Variants in TRPM7 observed in about 807,000 individuals in gnomAD.
TRPM7 encodes transient receptor potential cation channel subfamily M member 7.
In TRPM7, 134 loss-of-function variants were observed where a neutral mutation model predicts 229.7. The observed-to-expected ratio is 0.58, with a 90% CI of 0.51 to 0.67. TRPM7 has a LOEUF of 0.67. TRPM7 is among the 30% of genes least tolerant of loss of function. The pLI, the probability that TRPM7 is intolerant of heterozygous loss-of-function variation, is 0.00. For missense variants in TRPM7, 1,901 were observed against 2,210.0 expected (o/e 0.86, Z 2.80); for synonymous variants, 699 against 715.2 (o/e 0.98, Z 0.36).
chr15:50,686,022 G>A (rs965944715), intron 1 of TRPM7, among the ~76,000 whole-genome samples: 2 of 152,212 alleles, frequency 1.3e-5, no homozygotes, highest in East Asian at 3.8e-4. Flanking sequence ...CCGCTGCACA[G>A]CAAACAAGGC....
intron 1 of TRPM7, among the ~76,000 whole-genome samples, chr15:50,663,416 G>A (rs113621374): frequency 0.035 from 5,380 of 152,174 alleles, 314 homozygotes; most frequent in African/African-American, 0.12. Flanking sequence ...GTGAGCCACC[G>A]TGCCCGGCCC....
chr15:50,636,166 T>C (rs1289189314), intron 7 of TRPM7, among the ~76,000 whole-genome samples: 3 of 150,748 alleles, frequency 2.0e-5, no homozygotes, highest in Admixed American at 6.6e-5. Flanking sequence ...AAGGTATCTG[T>C]AGGACTATAA....
At chr15:50,613,906 A>T (rs1480154236) in intron 14 of TRPM7, 65 bp from the exon 15 acceptor site, 1 of 1,558,512 alleles carries the variant, frequency 6.4e-7, no homozygotes, top group Admixed American at 2.0e-5. Flanking sequence ...AAAATTCAAG[A>T]ATCAATTTAT....
intron 4 of TRPM7, among the ~76,000 whole-genome samples, chr15:50,644,831 G>A (rs182548578): frequency 4.9e-5 from 7 of 143,858 alleles, no homozygotes; most frequent in Admixed American, 3.5e-4. Context: ...AAGAAATGAA[G>A]CCCAAAAAAC....
chr15:50,636,165 G>T (rs1328298672), intron 7 of TRPM7, among the ~76,000 whole-genome samples: 3 of 150,494 alleles, frequency 2.0e-5, no homozygotes, highest in African/African-American at 7.3e-5. Context: ...AAAGGTATCT[G>T]TAGGACTATA....
intron 21 of TRPM7, among the ~76,000 whole-genome samples, chr15:50,603,088 G>A (rs1239480897): frequency 1.3e-5 from 2 of 152,072 alleles, no homozygotes; most frequent in East Asian, 3.8e-4. Context: ...CCATAAGAAT[G>A]CCAAAATGTG....
chr15:50,685,556 T>C (rs2140996129), intron 1 of TRPM7, among the ~76,000 whole-genome samples: 1 of 152,358 alleles, frequency 6.6e-6, no homozygotes, highest in South Asian at 2.1e-4. Context: ...ACTCTTATTT[T>C]AGTTTTGTAT....
chr15:50,642,659 G>A (rs2061138244), intron 5 of TRPM7, among the ~76,000 whole-genome samples: 1 of 152,098 alleles, frequency 6.6e-6, no homozygotes, highest in Admixed American at 6.5e-5. Context: ...AATTTCCTGA[G>A]GCTCCCTAGT....
In TRPM7 at chr15:50,686,762, C is replaced by A; in HGVS notation, c.-229G>T. 1 of 491,698 alleles carries A rather than the reference C, an allele frequency of 2.0e-6. No homozygotes were observed. Among genetic ancestry groups the A allele is most frequent in the Admixed American group, 4.2e-5 (1 of 23,596 alleles). 30.5% of individuals were successfully genotyped at this position (491,698 alleles called of 1,614,324 possible). On this transcript the variant is annotated 5_prime_UTR_variant, in exon 1 of 39. Coordinates refer to ENST00000646667, the MANE Select transcript of TRPM7 (RefSeq NM_017672.6). ...CCGGGTGACTGGCCACAGGGACGCG[C>A]CCGCGCCCGCCTCCGCCGGCGACGG...
At chr15:50,625,246 C>A (rs1332698624) in intron 11 of TRPM7, among the ~76,000 whole-genome samples, 2 of 152,050 alleles carry the variant, frequency 1.3e-5, no homozygotes, top group African/African-American at 4.8e-5. Flanking sequence ...TGGCAAAAAT[C>A]AATACAAAAC....
In TRPM7 at chr15:50,561,802, T is replaced by C; in HGVS notation, c.5474A>G (p.Lys1825Arg). 6.3e-7 allele frequency: 1 copy of C among 1,596,994 alleles called. No individual in the cohort carries two copies. Among genetic ancestry groups the C allele is most frequent in the South Asian group, 1.1e-5 (1 of 87,854 alleles). The change falls in exon 39 of 39, where the codon AAG (lysine) becomes AGG (arginine). Residue 1825 changes from lysine to arginine, a missense_variant. Transcript: ENST00000646667. ...CCRKLKLPDL[K>R]RNDYTPDKII... is the part of the protein sequence containing the mutation. ...TTTATCAGGCGTATAATCATTCCTCTTCAGATCTACATTGAACACCCACAA... is the reference window on the plus strand; with the variant it reads ...TTTATCAGGCGTATAATCATTCCTCCTCAGATCTACATTGAACACCCACAA...
In TRPM7 at chr15:50,585,050, A is replaced by ATTTTTTTT. The variant is rs755433337; in HGVS notation, c.4486+1334_4486+1341dup. On this transcript the variant is annotated intron_variant, in intron 28 of 38. Transcript: ENST00000646667. ...GCCACCACATCTAGCTAATTTTTGT[A>ATTTTTTTT]TTTTTTTTTTTTTTTTTTTTTTGAG... Among the ~76,000 whole-genome samples, 83 of 95,024 alleles carry ATTTTTTTT rather than the reference A, an allele frequency of 8.7e-4. 1 individual carries two copies. The highest frequency in any genetic ancestry group is 1.4e-3 in the South Asian group (4 of 2,832). The allele number at this position is 95,024 out of a possible 152,430, so 62.3% of individuals were successfully genotyped here. A position where few individuals can be genotyped will look rare whatever the true frequency, so the allele number is the denominator to read the frequency against.
chr15:50,624,162 T>C lies in TRPM7; in HGVS notation c.1440+4A>G. ...GTCAATAAAGAATTTTAATGTAGAC[T>C]TACAGTGTTGTAAAGTTCTTCCAGT... On this transcript the variant is annotated splice_donor_region_variant and intron_variant, in intron 12 of 38. Coordinates refer to ENST00000646667, the MANE Select transcript of TRPM7 (RefSeq NM_017672.6). The C allele has an allele frequency of 1.2e-6, 2 of 1,601,668 alleles. No homozygotes were observed. Among genetic ancestry groups the C allele is most frequent in the Non-Finnish European group, 1.7e-6 (2 of 1,176,348 alleles).
intron 21 of TRPM7, 91 bp downstream of exon 21, chr15:50,604,775 C>A: frequency 7.8e-7 from 1 of 1,282,212 alleles, no homozygotes; most frequent in Non-Finnish European, 1.1e-6. Flanking sequence ...AAGACATTCA[C>A]TGGCTCAAAT....
rs1387238464 is a variant in TRPM7 at position 50,557,610 on chromosome 15, GA to G, written c.*4067del. The stretch of plus-strand genomic sequence containing the variant: ...AGCATACATATATCGACAGACTGAA[GA>G]AGGTATACTATTAGAGAACATTTGC... On this transcript the variant is annotated 3_prime_UTR_variant, in exon 39 of 39. Coordinates refer to ENST00000646667, the MANE Select transcript of TRPM7 (RefSeq NM_017672.6). 1.3e-5 allele frequency: 2 copies of G among 152,276 alleles called. No homozygotes were observed. Among genetic ancestry groups the G allele is most frequent in the African/African-American group, 4.8e-5 (2 of 41,568 alleles). 9.4% of individuals were successfully genotyped at this position (152,276 alleles called of 1,614,324 possible).
intron 4 of TRPM7, among the ~76,000 whole-genome samples, chr15:50,646,007 C>T (rs1031178270): frequency 5.9e-5 from 9 of 151,488 alleles, no homozygotes; most frequent in African/African-American, 2.2e-4. Flanking sequence ...ATCCCAGCTA[C>T]TCGGGAGGCT....
intron 7 of TRPM7, among the ~76,000 whole-genome samples, chr15:50,634,838 A>C (rs1200408922): frequency 6.6e-6 from 1 of 152,160 alleles, no homozygotes; most frequent in African/African-American, 2.4e-5. Context: ...GACAGCAAAT[A>C]ATTTATATAT....
At position 50,637,565 on chromosome 15, in the gene TRPM7, T is replaced by C; in HGVS notation, c.689A>G (p.Asn230Ser). Residue 230 changes from asparagine (N) to serine (S), a missense_variant, in exon 7 of 39, where the codon AAC becomes AGC. Transcript: ENST00000646667. The part of the protein sequence containing the change: ...DVVAPYQTLL[N>S]PLSKLNVLNN... ...CAAAACATTCAATTTGCTCAGGGGG[T>C]TCAATAAGGTTTGATAAGGAGCAAC... 6.2e-7 allele frequency: 1 copy of C among 1,613,746 alleles called. No homozygotes were observed. The highest frequency in any genetic ancestry group is 8.5e-7 in the Non-Finnish European group (1 of 1,179,904).
chr15:50,660,063 A>G (rs1389109300), intron 2 of TRPM7, among the ~76,000 whole-genome samples: 1 of 152,234 alleles, frequency 6.6e-6, no homozygotes, highest in African/African-American at 2.4e-5. Context: ...GGAGGCTTAA[A>G]TACTAATCCC....
Sources: allele counts gnomAD v4.1 joint callset (sites outside exome capture counted in the v4.1 genomes callset), GRCh38; gene constraint gnomAD v4.1.1; transcripts MANE v1.5; gene names NCBI Gene and HGNC (gene_info 2026-07-23, HGNC 2026-07-21).